The following ADAMTSL1 variants were observed in gnomAD, a reference collection of about 807,000 sequenced individuals.
ADAMTSL1 encodes the protein ADAMTS like 1, also known as ADAMTS-like protein 1.
Under a neutral mutation model 201.8 loss-of-function variants are expected in ADAMTSL1, and 126 were observed. The ratio of observed to expected loss-of-function variants is 0.62; its 90% confidence interval spans 0.54 to 0.72. The LOEUF (loss-of-function observed/expected upper bound fraction) is 0.72, where lower values mean the gene tolerates loss of function less well. Ranked by LOEUF, ADAMTSL1 falls within the 30% of genes least tolerant of loss-of-function variation. ADAMTSL1 has a pLI of 0.00. For missense variants in ADAMTSL1, 2,679 were observed against 2,277.8 expected (o/e 1.18, Z -3.59); for synonymous variants, 1,121 against 903.4 (o/e 1.24, Z -4.32).
At chr9:18,193,132 G>A (rs765241129) in intron 2 of ADAMTSL1, among the ~76,000 whole-genome samples, 1 of 152,068 alleles carries the variant, frequency 6.6e-6, no homozygotes, top group Non-Finnish European at 1.5e-5. Flanking sequence ...GCTCTTGTTT[G>A]GGTTTCCCAT....
At chr9:18,818,905 G>A (rs541863755) in intron 21 of ADAMTSL1, among the ~76,000 whole-genome samples, 31 of 152,126 alleles carry the variant, frequency 2.0e-4, no homozygotes, top group Non-Finnish European at 3.8e-4. Context: ...CCTCATCAGT[G>A]AAATCTAGAA....
chr9:18,779,950 A>C (rs900931485), intron 19 of ADAMTSL1, among the ~76,000 whole-genome samples: 2 of 152,222 alleles, frequency 1.3e-5, no homozygotes, highest in Admixed American at 1.3e-4. Flanking sequence ...GACTGGCTGC[A>C]TGAGGGAAAA....
chr9:18,182,349 A>G (rs563877206), intron 2 of ADAMTSL1, among the ~76,000 whole-genome samples: 22 of 152,304 alleles, frequency 1.4e-4, no homozygotes, highest in African/African-American at 5.0e-4. Flanking sequence ...AAACTACTTA[A>G]TTGTATACCC....
chr9:18,852,109 A>G (rs1021680826), intron 23 of ADAMTSL1, among the ~76,000 whole-genome samples: 26 of 152,060 alleles, frequency 1.7e-4, no homozygotes, highest in South Asian at 2.1e-4. Context: ...ATCTAACCCT[A>G]TGCTCTCTAC....
intron 2 of ADAMTSL1, among the ~76,000 whole-genome samples, chr9:18,248,183 G>A (rs577126227): frequency 1.8e-4 from 27 of 152,268 alleles, no homozygotes; most frequent in African/African-American, 6.3e-4. Context: ...TCCAAAAGGA[G>A]TAAACCTGAG....
chr9:18,349,230 G>T lies in ADAMTSL1; in HGVS notation c.208-155599G>T, dbSNP rs563216070. Among the ~76,000 whole-genome samples, 14 of 152,216 alleles carry T rather than the reference G, an allele frequency of 9.2e-5. No individual in the cohort carries two copies. The South Asian group carries it at 2.9e-3, about 32-fold the overall frequency. ...AATGAGACTTATGTGGATTGTTATCGCTCTCATATACATGGGTGAACTTGG... is the reference window on the plus strand; with the variant it reads ...AATGAGACTTATGTGGATTGTTATCTCTCTCATATACATGGGTGAACTTGG... On this transcript the variant is annotated intron_variant, in intron 2 of 29. Coordinates refer to the ADAMTSL1 transcript ENST00000680146.
At chr9:17,994,940 G>A (rs911960617) in intron 1 of ADAMTSL1, among the ~76,000 whole-genome samples, 2 of 152,154 alleles carry the variant, frequency 1.3e-5, no homozygotes, top group African/African-American at 4.8e-5. Context: ...CCCTTTAGCT[G>A]AAAGCAGGCT....
intron 2 of ADAMTSL1, among the ~76,000 whole-genome samples, chr9:18,507,506 T>C (rs1817748022): frequency 6.6e-6 from 1 of 152,208 alleles, no homozygotes; most frequent in Non-Finnish European, 1.5e-5. Context: ...AAAATATTAG[T>C]TGGTGCAAAA....
At chr9:18,001,706 A>T (rs941043477) in intron 1 of ADAMTSL1, among the ~76,000 whole-genome samples, 1 of 152,036 alleles carries the variant, frequency 6.6e-6, no homozygotes, top group Non-Finnish European at 1.5e-5. Context: ...TTGAAGAACC[A>T]TGGTGATTTT....
chr9:18,824,982 C>T (rs1401075442), intron 21 of ADAMTSL1, among the ~76,000 whole-genome samples: 1 of 152,148 alleles, frequency 6.6e-6, no homozygotes, highest in Non-Finnish European at 1.5e-5. Context: ...AGGCATGAGC[C>T]ATCACGCCCG....
intron 14 of ADAMTSL1, among the ~76,000 whole-genome samples, chr9:18,716,222 C>T (rs906230606): frequency 6.6e-6 from 1 of 151,970 alleles, no homozygotes; most frequent in African/African-American, 2.4e-5. Flanking sequence ...GCAACAAAAG[C>T]CAGAATTGAC....
At chr9:18,361,872 C>A (rs552921909) in intron 2 of ADAMTSL1, among the ~76,000 whole-genome samples, 1 of 152,242 alleles carries the variant, frequency 6.6e-6, no homozygotes, top group East Asian at 1.9e-4. Context: ...TCATCACGCA[C>A]AATTATGTGC....
Position 18,888,040 on chromosome 9 carries a change from C to T in ADAMTSL1, c.4459C>T (p.Gln1487Ter). ...VLMQKASLVI[Q>*]DYWWSVDRLA... ...CATGCAGAAGGCATCTTTAGTGATC[C>T]AAGGTAAGAAACCCTGCAGACTTTG... Residue 1487 changes from glutamine (Q) to a stop codon, truncating the protein, a stop_gained, in exon 24 of 29, where the codon CAA (glutamine) becomes TAA (stop). Coordinates refer to ENST00000380548, the MANE Select transcript of ADAMTSL1 (RefSeq NM_001040272.6). LOFTEE classifies it high-confidence loss of function. 6 of 1,612,172 alleles carry T rather than the reference C, an allele frequency of 3.7e-6. No homozygotes were observed. The highest frequency in any genetic ancestry group is 5.1e-6 in the Non-Finnish European group (6 of 1,179,124).
Position 18,889,664 on chromosome 9 carries a change from CG to C in ADAMTSL1, c.4561del (p.Glu1521ArgfsTer31). 1 of 1,610,738 alleles carries C rather than the reference CG, an allele frequency of 6.2e-7. No homozygotes were observed. The highest frequency in any genetic ancestry group is 8.5e-7 in the Non-Finnish European group (1 of 1,178,496). On this transcript the variant is annotated frameshift_variant, in exon 25 of 29. Transcript: ENST00000380548. LOFTEE classifies it high-confidence loss of function. ...CGCTTGAGGTGCCTGCTGAACAGCA[CG>C]GAGGTCAACCCTGCCCACTGCGCAG... ...QPRLRCLLNSTEVNPAHCAGK... is the reference protein window; with the variant it reads ...QPRLRCLLNSXEVNPAHCAGK...
intron 23 of ADAMTSL1, among the ~76,000 whole-genome samples, chr9:18,837,166 G>A (rs1024266010): frequency 6.6e-6 from 1 of 152,060 alleles, no homozygotes; most frequent in Non-Finnish European, 1.5e-5. Flanking sequence ...TTTTAGCATT[G>A]TATTTAAGAA....
At chr9:18,119,514 A>G (rs1216623687) in intron 1 of ADAMTSL1, among the ~76,000 whole-genome samples, 1 of 151,950 alleles carries the variant, frequency 6.6e-6, no homozygotes, top group Non-Finnish European at 1.5e-5. Context: ...TGTTGGCCAG[A>G]CTGGTCTCAA....
chr9:18,262,521 G>A lies in ADAMTSL1; in HGVS notation c.207+98540G>A, dbSNP rs553001573. On this transcript the variant is annotated intron_variant, in intron 2 of 29. Coordinates refer to the ADAMTSL1 transcript ENST00000680146. Reference sequence around the variant, plus strand: ...TCTTCAGGGGATAGAGTACCACTGAGCTTCTTCTATTCTTGAGGGTGACAA... The same window carrying A: ...TCTTCAGGGGATAGAGTACCACTGAACTTCTTCTATTCTTGAGGGTGACAA... Among the ~76,000 whole-genome samples, 4 of 152,282 alleles carry A rather than the reference G, an allele frequency of 2.6e-5. No individual in the cohort carries two copies. In the East Asian group the frequency reaches 5.8e-4, roughly 22 times the overall value.
intron 2 of ADAMTSL1, among the ~76,000 whole-genome samples, chr9:18,463,062 C>T (rs942851366): frequency 6.6e-6 from 1 of 152,082 alleles, no homozygotes; most frequent in Non-Finnish European, 1.5e-5. Context: ...CCCATCTAAG[C>T]TAAAATAACC....
chr9:18,075,804 T>A (rs1347052312), intron 1 of ADAMTSL1, among the ~76,000 whole-genome samples: 3 of 152,194 alleles, frequency 2.0e-5, no homozygotes, highest in African/African-American at 7.2e-5. Flanking sequence ...AAGCTGAGTG[T>A]TGAACTAATA....
Sources: gnomAD v4.1 joint callset for allele counts (sites outside exome capture counted in the v4.1 genomes callset) on GRCh38, gnomAD v4.1.1 for gene constraint, MANE v1.5 for transcripts, NCBI Gene and HGNC (gene_info 2026-07-23, HGNC 2026-07-21) for gene names.